Variants in PDE6B observed in about 807,000 individuals in gnomAD.
The protein encoded by PDE6B is rod cGMP-specific 3',5'-cyclic phosphodiesterase subunit beta.
In PDE6B, 106 loss-of-function variants were observed where a neutral mutation model predicts 109.0. The observed-to-expected ratio is 0.97, with a 90% CI of 0.83 to 1.14. The LOEUF (loss-of-function observed/expected upper bound fraction) is 1.14, where lower values mean the gene tolerates loss of function less well. Among genes scored for constraint, PDE6B ranks in the 50% most tolerant of loss-of-function variants. The pLI is 0.00. For missense variants in PDE6B, 1,193 were observed against 1,155.6 expected (o/e 1.03, Z -0.47); for synonymous variants, 490 against 471.3 (o/e 1.04, Z -0.51).
In PDE6B at chr4:666,674, G is replaced by A. The variant is rs1737838903; in HGVS notation, c.2352+60G>A. ...GCAGGGTGGCTGGGAGCAGGCAAGG[G>A]GGCGCGGGCTGGAGTCGCGTGGACT... is the stretch of plus-strand genomic sequence containing the variant. On this transcript the variant is annotated intron_variant, in intron 20 of 21. Transcript: ENST00000496514. The surrounding 1 kb of genome is among the most constrained non-coding windows in gnomAD (Gnocchi z 5.6). The A allele has an allele frequency of 8.5e-7, 1 of 1,171,808 alleles. No individual in the cohort carries two copies. The highest frequency in any genetic ancestry group is 1.7e-5 in the Admixed American group (1 of 59,220). 72.6% of individuals were successfully genotyped at this position (1,171,808 alleles called of 1,614,324 possible).
intron 21 of PDE6B, among the ~76,000 whole-genome samples, chr4:669,818 G>T (rs895054956): frequency 6.6e-6 from 1 of 151,572 alleles, no homozygotes; most frequent in African/African-American, 2.4e-5. Flanking sequence ...TAAACAAGGC[G>T]ACTTCAGGAC....
chr4:641,588 A>G (rs1734946749), intron 3 of PDE6B, among the ~76,000 whole-genome samples: 2 of 152,098 alleles, frequency 1.3e-5, no homozygotes, highest in Admixed American at 1.3e-4. Context: ...CTCCTGGGGG[A>G]CCCATGAGGC....
At chr4:657,879 C>T (rs1453068260) in intron 10 of PDE6B, among the ~76,000 whole-genome samples, 1 of 142,158 alleles carries the variant, frequency 7.0e-6, no homozygotes, top group Non-Finnish European at 1.5e-5. Flanking sequence ...AGGGGCAGGT[C>T]GTCCAGGGGT....
Position 659,277 on chromosome 4 carries a change from A to G in PDE6B, c.1467+260A>G, listed in dbSNP as rs151118046. On this transcript the variant is annotated intron_variant, in intron 11 of 21. Transcript: ENST00000496514. ...CTTTGATGTCTGCACTCCTGAGTGT[A>G]TCTTCGTGTCTTCCTGTCTCCTCTG... Among the ~76,000 whole-genome samples, 1,107 of 152,262 alleles carry G rather than the reference A, an allele frequency of 7.3e-3. 8 individuals are homozygous for G. Among genetic ancestry groups the G allele is most frequent in the Non-Finnish European group, 0.012 (792 of 68,020 alleles).
chr4:630,956 C>T (rs1560101945), intron 1 of PDE6B, among the ~76,000 whole-genome samples: 1 of 152,196 alleles, frequency 6.6e-6, no homozygotes. Context: ...ATGGTAACGG[C>T]AGCCCACCTC....
At chr4:638,402 A>G (rs372550952) in intron 3 of PDE6B, among the ~76,000 whole-genome samples, 18 of 152,206 alleles carry the variant, frequency 1.2e-4, no homozygotes, top group African/African-American at 4.3e-4. Context: ...GGCTCACTGC[A>G]ACCTCCGCCT....
At chr4:644,002 T>C (rs1161886117) in intron 3 of PDE6B, among the ~76,000 whole-genome samples, 1 of 133,838 alleles carries the variant, frequency 7.5e-6, no homozygotes, top group Non-Finnish European at 1.5e-5. Flanking sequence ...CACTGCAACC[T>C]CCACCTCCCG....
chr4:653,201 G>A, intron 3 of PDE6B: 2 of 1,002,180 alleles, frequency 2.0e-6, no homozygotes, highest in Non-Finnish European at 2.4e-6. Flanking sequence ...GAGGGAGCTG[G>A]CACCATGCGG....
chr4:640,302 A>G (rs1328575414), intron 3 of PDE6B, among the ~76,000 whole-genome samples: 1 of 151,966 alleles, frequency 6.6e-6, no homozygotes, highest in Admixed American at 6.6e-5. Context: ...TTGGGAGGCC[A>G]AGGCAGGCCA....
intron 3 of PDE6B, chr4:652,502 C>A: frequency 2.0e-6 from 2 of 985,076 alleles, no homozygotes; most frequent in Non-Finnish European, 2.4e-6. Context: ...CAAGGTCAGC[C>A]GCGCTGTGTG....
At chr4:639,159 T>C (rs978905236) in intron 3 of PDE6B, among the ~76,000 whole-genome samples, 2 of 151,510 alleles carry the variant, frequency 1.3e-5, no homozygotes, top group African/African-American at 4.9e-5. Context: ...TTTTTTTTTT[T>C]CTTGAGACAA....
Position 642,725 on chromosome 4 carries a change from C to CAAAAAAAAAAAAAAAAAA in PDE6B, c.711+6764_711+6781dup, listed in dbSNP as rs71636506. Among the ~76,000 whole-genome samples the CAAAAAAAAAAAAAAAAAA allele has an allele frequency of 3.3e-3, 141 of 43,322 alleles. 8 individuals carry two copies. The highest frequency in any genetic ancestry group is 0.012 in the African/African-American group (128 of 10,700). 28.4% of individuals were successfully genotyped at this position (43,322 alleles called of 152,430 possible). ...CCAACCTGGACAACAGACACTGTCT[C>CAAAAAAAAAAAAAAAAAA]AAAAAAAAAAAAAAAAAAAAAAAAA... On this transcript the variant is annotated intron_variant, in intron 3 of 21. Transcript: ENST00000496514.
chr4:653,731 G>C, intron 3 of PDE6B, 121 bp from the exon 4 acceptor site: 2 of 1,106,518 alleles, frequency 1.8e-6, no homozygotes, highest in South Asian at 1.3e-5. Flanking sequence ...TCCACGGCTG[G>C]GCAGGTGGTC....
chr4:660,368 T>C, intron 11 of PDE6B, 99 bp from the exon 12 acceptor site: 2 of 1,182,904 alleles, frequency 1.7e-6, no homozygotes, highest in Non-Finnish European at 2.5e-6. Context: ...ATGCCTGAGG[T>C]GTCTGAGGCT....
Position 657,467 on chromosome 4 carries a change from C to T in PDE6B, c.1374C>T (p.Cys458=), listed in dbSNP as rs541985727. 1.0e-4 allele frequency: 164 copies of T among 1,613,242 alleles called. 2 individuals carry two copies. In the Admixed American group the frequency reaches 1.2e-3, roughly 12 times the overall value. Residue 458 remains cysteine (C), a synonymous_variant, in exon 10 of 22, where the codon TGC becomes TGT. Transcript: ENST00000496514. The stretch of plus-strand genomic sequence containing the variant: ...ACATGGTCCTTTACCACGTGAAGTG[C>T]GACAGGGACGAGATCCAGCTCATCC... ...AQDMVLYHVK[C]DRDEIQLILP...
intron 16 of PDE6B, 66 bp from the exon 17 acceptor site, chr4:664,048 A>T: frequency 8.0e-7 from 1 of 1,254,588 alleles, no homozygotes; most frequent in South Asian, 1.2e-5. Flanking sequence ...CTCCCTGCAG[A>T]CGGGCGCTTG....
At position 665,394 on chromosome 4, in the gene PDE6B, G is replaced by A. The variant is rs1012429494; in HGVS notation, c.2268+65G>A. On this transcript the variant is annotated intron_variant, in intron 19 of 21. Coordinates refer to ENST00000496514, the MANE Select transcript of PDE6B (RefSeq NM_000283.4). The surrounding 1 kb of genome is among the most constrained non-coding windows in gnomAD (Gnocchi z 4.0). ...TGTTAGAGACCCCTCTTGGTCCTCA[G>A]GAGCCTCAGGTCCTGGCTTGGTCTC... is the stretch of plus-strand genomic sequence containing the variant. 13 of 1,117,860 alleles carry A rather than the reference G, an allele frequency of 1.2e-5. No individual in the cohort carries two copies. Among genetic ancestry groups the A allele is most frequent in the African/African-American group, 1.5e-5 (1 of 65,680 alleles). The allele number at this position is 1,117,860 out of a possible 1,614,324, so 69.2% of individuals were successfully genotyped here.
Position 664,959 on chromosome 4 carries a change from C to T in PDE6B, c.2193+15C>T, listed in dbSNP as rs376883350. 1.0e-4 allele frequency: 163 copies of T among 1,598,102 alleles called. No individual in the cohort carries two copies. The African/African-American group carries it at 1.9e-3, about 18-fold the overall frequency. Reference sequence around the variant, plus strand: ...TCCAGAGCAAGGTTAGAACAGAGGGCCCTCCAGACCCAGAGTCAGTGCCTC... The same window carrying T: ...TCCAGAGCAAGGTTAGAACAGAGGGTCCTCCAGACCCAGAGTCAGTGCCTC... On this transcript the variant is annotated intron_variant, in intron 18 of 21. Transcript: ENST00000496514.
At chr4:655,904 G>A (rs377201145) in intron 6 of PDE6B, 36 bp from the exon 7 acceptor site, 14 of 1,333,008 alleles carry the variant, frequency 1.1e-5, no homozygotes, top group African/African-American at 7.2e-5. Flanking sequence ...CATCCAGCCC[G>A]GCGTGGCCTA....
Sources: gnomAD v4.1 joint callset for allele counts (sites outside exome capture counted in the v4.1 genomes callset) on GRCh38, gnomAD v4.1.1 for gene constraint, Gnocchi (gnomAD v3.1) non-coding constraint, MANE v1.5 for transcripts, NCBI Gene and HGNC (gene_info 2026-07-23, HGNC 2026-07-21) for gene names.